The following RALGAPA1 variants were observed in gnomAD, a reference collection of about 807,000 sequenced individuals.
RALGAPA1 encodes the protein Ral GTPase activating protein catalytic subunit alpha 1.
RALGAPA1 carries 52 observed loss-of-function variants against 269.6 expected under a neutral mutation model. The observed-to-expected ratio is 0.19, with a 90% CI of 0.15 to 0.24. The LOEUF is 0.24. Ranked by LOEUF, RALGAPA1 falls within the 10% of genes least tolerant of loss-of-function variation. The pLI is 1.00. For synonymous variants in RALGAPA1, 817 were observed against 1,008.3 expected, an observed-to-expected ratio of 0.81 and a Z score of 3.60; for missense variants, 1,917 against 3,013.9, an observed-to-expected ratio of 0.64 and a Z score of 8.52.
chr14:35,580,824 AGGCAT>A (rs1309289739), intron 37 of RALGAPA1, among the ~76,000 whole-genome samples: 1 of 152,204 alleles, frequency 6.6e-6, no homozygotes, highest in Non-Finnish European at 1.5e-5. Context: ...AGCTTGCCAG[AGGCAT>A]GGCTATTTCT....
At chr14:35,610,962 T>C (rs1165606702) in intron 35 of RALGAPA1, among the ~76,000 whole-genome samples, 10 of 151,926 alleles carry the variant, frequency 6.6e-5, no homozygotes, top group African/African-American at 1.7e-4. Context: ...TATAAAACAT[T>C]GTTGAAAGAA....
rs180836672 is a variant in RALGAPA1, at chr14:35,762,816, G to A, written c.326-63C>T. The A allele has an allele frequency of 4.1e-4, 422 of 1,028,042 alleles. 1 individual carries two copies. Among genetic ancestry groups the A allele is most frequent in the Non-Finnish European group, 3.7e-4 (244 of 656,564 alleles). The allele number at this position is 1,028,042 out of a possible 1,614,324, so 63.7% of individuals were successfully genotyped here. ...TCTATTTGTAAATGTCAGAGTTCTC[G>A]GTCGGACTTGAAAACACTTTTAAAT... On this transcript the variant is annotated intron_variant, in intron 4 of 41. Transcript: ENST00000680220.
intron 21 of RALGAPA1, among the ~76,000 whole-genome samples, chr14:35,681,023 A>T (rs2065390800): frequency 6.6e-6 from 1 of 152,066 alleles, no homozygotes; most frequent in Admixed American, 6.6e-5. Flanking sequence ...TCATGACCTA[A>T]AAAGAGGTTA....
intron 37 of RALGAPA1, among the ~76,000 whole-genome samples, chr14:35,592,915 C>T (rs1412119428): frequency 3.3e-5 from 5 of 152,186 alleles, no homozygotes; most frequent in South Asian, 2.1e-4. Context: ...GAGGAAAAAT[C>T]GAAAGCTTTT....
chr14:35,674,478 A>C, intron 23 of RALGAPA1, 38 bp downstream of exon 23: 1 of 1,528,994 alleles, frequency 6.5e-7, no homozygotes, highest in Non-Finnish European at 8.9e-7. Context: ...AAATATTTTT[A>C]TTTTCTTCTC....
intron 37 of RALGAPA1, among the ~76,000 whole-genome samples, chr14:35,582,298 A>G (rs1401870373): frequency 1.3e-5 from 2 of 152,210 alleles, no homozygotes; most frequent in African/African-American, 4.8e-5. Context: ...AAAACAAAAA[A>G]CAAAAAACAA....
chr14:35,717,085 C>T (rs2068897242), intron 16 of RALGAPA1, among the ~76,000 whole-genome samples: 1 of 152,158 alleles, frequency 6.6e-6, no homozygotes, highest in Non-Finnish European at 1.5e-5. Context: ...ATTTCATATC[C>T]TACAGACTTA....
At chr14:35,685,912 A>G (rs1329275342) in intron 19 of RALGAPA1, among the ~76,000 whole-genome samples, 3 of 152,146 alleles carry the variant, frequency 2.0e-5, no homozygotes, top group Non-Finnish European at 2.9e-5. Flanking sequence ...AGTTCCATAT[A>G]TATTTATCCT....
At position 35,583,678 on chromosome 14, in the gene RALGAPA1, G is replaced by A. The variant is rs945774314; in HGVS notation, c.7210-10960C>T. Among the ~76,000 whole-genome samples, 6 of 151,942 alleles carry A rather than the reference G, an allele frequency of 3.9e-5. No homozygotes were observed. The East Asian group carries it at 9.6e-4, about 24-fold the overall frequency. On this transcript the variant is annotated intron_variant, in intron 37 of 41. Transcript: ENST00000680220. ...ATCACATTTAAACTTGGAAAATCAAGGGGAAAGAAAAATTCTTCAAAGAAA... is the reference window on the plus strand; with the variant it reads ...ATCACATTTAAACTTGGAAAATCAAAGGGAAAGAAAAATTCTTCAAAGAAA...
intron 41 of RALGAPA1, among the ~76,000 whole-genome samples, chr14:35,545,601 C>G (rs922774644): frequency 1.3e-5 from 2 of 151,846 alleles, no homozygotes; most frequent in Non-Finnish European, 2.9e-5. Flanking sequence ...AAACACCTAT[C>G]AACACTTTAA....
At chr14:35,678,570 T>C (rs1300269399) in intron 21 of RALGAPA1, among the ~76,000 whole-genome samples, 1 of 152,128 alleles carries the variant, frequency 6.6e-6, no homozygotes, top group Non-Finnish European at 1.5e-5. Context: ...CCATTCTCCA[T>C]AAGTCAGCAA....
intron 1 of RALGAPA1, among the ~76,000 whole-genome samples, chr14:35,778,950 G>A (rs2075246945): frequency 6.6e-6 from 1 of 152,128 alleles, no homozygotes; most frequent in Non-Finnish European, 1.5e-5. Context: ...TTACAGGTGA[G>A]AAAATTTAGG....
At chr14:35,795,841 G>C (rs1398910043) in intron 1 of RALGAPA1, among the ~76,000 whole-genome samples, 3 of 151,588 alleles carry the variant, frequency 2.0e-5, no homozygotes, top group Non-Finnish European at 4.4e-5. Context: ...AAATTAGCTG[G>C]GTGTGGTGGC....
At chr14:35,581,526 C>T (rs972173823) in intron 37 of RALGAPA1, among the ~76,000 whole-genome samples, 10 of 151,932 alleles carry the variant, frequency 6.6e-5, no homozygotes, top group African/African-American at 1.9e-4. Flanking sequence ...TTTAGTTTGA[C>T]GCTGACAAAG....
intron 1 of RALGAPA1, among the ~76,000 whole-genome samples, chr14:35,797,249 G>C (rs184763909): frequency 6.7e-6 from 1 of 150,356 alleles, no homozygotes; most frequent in Non-Finnish European, 1.5e-5. Flanking sequence ...AGCTACTAGG[G>C]GGCTGAAGCA....
intron 11 of RALGAPA1, among the ~76,000 whole-genome samples, chr14:35,740,120 T>C (rs767739922): frequency 1.3e-5 from 2 of 152,202 alleles, no homozygotes; most frequent in Admixed American, 1.3e-4. Context: ...ATCTCTTCCA[T>C]GAAGCATTCC....
chr14:35,806,958 A>G (rs1175963094), intron 1 of RALGAPA1, among the ~76,000 whole-genome samples: 1 of 152,204 alleles, frequency 6.6e-6, no homozygotes, highest in Non-Finnish European at 1.5e-5. Flanking sequence ...TTTCAAACCA[A>G]GCAAGCTAAG....
intron 16 of RALGAPA1, among the ~76,000 whole-genome samples, chr14:35,719,445 T>C (rs546695963): frequency 1.4e-3 from 218 of 152,354 alleles, no homozygotes; most frequent in African/African-American, 5.0e-3. Context: ...TTAACTTTGA[T>C]AGGCTTGTTC....
chr14:35,654,091 G>A (rs1053029397), intron 30 of RALGAPA1, among the ~76,000 whole-genome samples: 4 of 152,112 alleles, frequency 2.6e-5, no homozygotes, highest in African/African-American at 9.7e-5. Context: ...TTTCAACTTA[G>A]TCTCCCAAAG....
Sources: gnomAD v4.1 joint callset for allele counts (sites outside exome capture counted in the v4.1 genomes callset) on GRCh38, gnomAD v4.1.1 for gene constraint, MANE v1.5 for transcripts, NCBI Gene and HGNC (gene_info 2026-07-23, HGNC 2026-07-21) for gene names.